The following SLC30A6 variants were observed in gnomAD, a reference collection of about 807,000 sequenced individuals.
SLC30A6 encodes the protein solute carrier family 30 member 6.
SLC30A6 carries 55 observed loss-of-function variants against 63.0 expected under a neutral mutation model. That is an observed-to-expected ratio of 0.87 (90% confidence interval 0.70 to 1.09). The LOEUF (loss-of-function observed/expected upper bound fraction) is 1.09. SLC30A6 is among the 50% of genes least tolerant of loss of function. SLC30A6 has a pLI of 0.00. For missense variants in SLC30A6, 587 were observed against 549.2 expected (o/e 1.07, Z -0.69); for synonymous variants, 224 against 186.1 (o/e 1.20, Z -1.66).
chr2:32,193,451 A>G (rs1374058614), intron 7 of SLC30A6, among the ~76,000 whole-genome samples: 2 of 152,070 alleles, frequency 1.3e-5, no homozygotes, highest in Non-Finnish European at 2.9e-5. Context: ...TATTGCAACT[A>G]TGTGATTTTC....
At chr2:32,205,100 A>G (rs1459933985) in intron 11 of SLC30A6, among the ~76,000 whole-genome samples, 2 of 152,104 alleles carry the variant, frequency 1.3e-5, no homozygotes, top group African/African-American at 4.8e-5. Flanking sequence ...CGCGAGAGCC[A>G]TCGTGCCCAG....
intron 2 of SLC30A6, among the ~76,000 whole-genome samples, chr2:32,171,930 G>T (rs529991716): frequency 2.0e-5 from 3 of 152,270 alleles, no homozygotes; most frequent in Non-Finnish European, 4.4e-5. Flanking sequence ...CCGACCTCAG[G>T]TGATCCGCCC....
chr2:32,205,138 T>C (rs549977017), intron 11 of SLC30A6, among the ~76,000 whole-genome samples: 1 of 152,184 alleles, frequency 6.6e-6, no homozygotes, highest in Non-Finnish European at 1.5e-5. Flanking sequence ...AAAAGTTTTT[T>C]GGCCAGGAGA....
chr2:32,215,930 A>G (rs924779846), intron 13 of SLC30A6, among the ~76,000 whole-genome samples: 3 of 151,940 alleles, frequency 2.0e-5, no homozygotes, highest in Non-Finnish European at 2.9e-5. Context: ...TCCTTAAGCA[A>G]TCCAACCTAG....
At chr2:32,213,488 C>T (rs972625740) in intron 13 of SLC30A6, among the ~76,000 whole-genome samples, 2 of 151,970 alleles carry the variant, frequency 1.3e-5, no homozygotes, top group African/African-American at 2.4e-5. Context: ...TCTTGTTAGC[C>T]GCTTTGGGGT....
intron 12 of SLC30A6, among the ~76,000 whole-genome samples, chr2:32,209,258 A>G (rs1479884825): frequency 6.6e-6 from 1 of 152,206 alleles, no homozygotes. Flanking sequence ...AGCAGTGGGG[A>G]CCTGATTCTA....
rs1413369588 is a variant in SLC30A6 at position 32,222,501 on chromosome 2, G to A, written c.*1788G>A. 1 of 152,078 alleles carries A rather than the reference G, an allele frequency of 6.6e-6. No homozygotes were observed. Among genetic ancestry groups the A allele is most frequent in the Non-Finnish European group, 1.5e-5 (1 of 68,022 alleles). The allele number at this position is 152,078 out of a possible 1,614,324, so 9.4% of individuals were successfully genotyped here. A position where few individuals can be genotyped will look rare whatever the true frequency, so the allele number is the denominator to read the frequency against. On this transcript the variant is annotated 3_prime_UTR_variant, in exon 14 of 14. Coordinates refer to ENST00000282587, the MANE Select transcript of SLC30A6 (RefSeq NM_017964.5). ...ACTGTGGATTAAAAACATCCAAGAAGCCATCTCTGTCAAGCAGAATTGTCA... is the reference window on the plus strand; with the variant it reads ...ACTGTGGATTAAAAACATCCAAGAAACCATCTCTGTCAAGCAGAATTGTCA...
At position 32,220,936 on chromosome 2, in the gene SLC30A6, A is replaced by G. The variant is rs1686107654; in HGVS notation, c.*223A>G. 3 of 480,916 alleles carry G rather than the reference A, an allele frequency of 6.2e-6. No homozygotes were observed. The highest frequency in any genetic ancestry group is 5.7e-5 in the South Asian group (2 of 34,810). The allele number at this position is 480,916 out of a possible 1,614,324, so 29.8% of individuals were successfully genotyped here. A position where few individuals can be genotyped will look rare whatever the true frequency, so the allele number is the denominator to read the frequency against. Reference sequence around the variant, plus strand: ...GCTTTAAATAGGCTTCCTTTAGAAAATGTGTTTCTTTAAATTTGGATTTTG... The same window carrying G: ...GCTTTAAATAGGCTTCCTTTAGAAAGTGTGTTTCTTTAAATTTGGATTTTG... On this transcript the variant is annotated 3_prime_UTR_variant, in exon 14 of 14. Coordinates refer to ENST00000282587, the MANE Select transcript of SLC30A6 (RefSeq NM_017964.5).
intron 5 of SLC30A6, among the ~76,000 whole-genome samples, chr2:32,185,076 A>G (rs1351438064): frequency 6.6e-6 from 1 of 152,192 alleles, no homozygotes; most frequent in Non-Finnish European, 1.5e-5. Context: ...ATTTGTTTCC[A>G]TAATTACTGA....
chr2:32,200,672 C>T (rs1684208014), intron 10 of SLC30A6, among the ~76,000 whole-genome samples: 1 of 151,414 alleles, frequency 6.6e-6, no homozygotes. Context: ...CGTTAAGAGT[C>T]ATCACCACTC....
At position 32,193,897 on chromosome 2, in the gene SLC30A6, T is replaced by G; in HGVS notation, c.410T>G (p.Leu137Ter). The change falls in exon 8 of 14, where the codon TTA (leucine) becomes TGA (stop). Residue 137 changes from leucine (L) to a stop codon, truncating the protein, a stop_gained. Transcript: ENST00000282587. LOFTEE classifies it high-confidence loss of function. Reference protein sequence around the residue: ...LEQPEIHTGRLLVGTFVALCF... With the variant: ...LEQPEIHTGR ...ATCGTTGTTCTTTTTAGGGGAAGATTATTAGTTGGTACTTTTGTGGCTCTT... is the reference window on the plus strand; with the variant it reads ...ATCGTTGTTCTTTTTAGGGGAAGATGATTAGTTGGTACTTTTGTGGCTCTT... 6.2e-7 allele frequency: 1 copy of G among 1,612,702 alleles called. No individual in the cohort carries two copies. Among genetic ancestry groups the G allele is most frequent in the Non-Finnish European group, 8.5e-7 (1 of 1,179,052 alleles).
At position 32,197,428 on chromosome 2, in the gene SLC30A6, T is replaced by C; in HGVS notation, c.545+36T>C. The C allele has an allele frequency of 1.9e-6, 3 of 1,571,626 alleles. No homozygotes were observed. In the South Asian group the frequency reaches 3.4e-5, roughly 18 times the overall value. On this transcript the variant is annotated intron_variant, in intron 9 of 13. Coordinates refer to ENST00000282587, the MANE Select transcript of SLC30A6 (RefSeq NM_017964.5). ...ATGGAGTTTCATGATATGCATAATT[T>C]AAAGGAATACACAAGAAATGCATCT...
chr2:32,195,873 G>T lies in SLC30A6; in HGVS notation c.497-1471G>T, dbSNP rs187965165. On this transcript the variant is annotated intron_variant, in intron 8 of 13. Transcript: ENST00000282587. ...ATATTTTCATTAGCTGGAAATGGAG[G>T]TTCCCAGAAACATCAAGATTTGTGA... Among the ~76,000 whole-genome samples the T allele has an allele frequency of 3.6e-4, 55 of 152,178 alleles. No individual in the cohort carries two copies. In the East Asian group the frequency reaches 8.5e-3, roughly 23 times the overall value.
chr2:32,203,902 A>G, intron 10 of SLC30A6: 2 of 899,008 alleles, frequency 2.2e-6, no homozygotes, highest in Admixed American at 1.7e-5. Flanking sequence ...AGTTAGACAG[A>G]GTCCACAAGG....
intron 3 of SLC30A6, 40 bp from the exon 4 acceptor site, chr2:32,175,279 G>C (rs1360739110): frequency 1.3e-6 from 2 of 1,581,398 alleles, no homozygotes; most frequent in African/African-American, 2.7e-5. Flanking sequence ...TTTTTAGAGG[G>C]GTCAGTAATA....
intron 2 of SLC30A6, 31 bp from the exon 3 acceptor site, chr2:32,174,032 G>A (rs199833178): frequency 5.9e-5 from 91 of 1,552,796 alleles, no homozygotes; most frequent in Non-Finnish European, 7.9e-5. Context: ...TATCACTTCT[G>A]TACACATAAG....
intron 10 of SLC30A6, chr2:32,202,441 T>C (rs1684379201): frequency 1.1e-5 from 3 of 262,102 alleles, no homozygotes; most frequent in Non-Finnish European, 2.2e-5. Flanking sequence ...ACCATTTTCC[T>C]GCCTCAGCCT....
At chr2:32,202,087 G>C in intron 10 of SLC30A6, 1 of 786,856 alleles carries the variant, frequency 1.3e-6, no homozygotes, top group Non-Finnish European at 2.0e-6. Context: ...TAAGAAGCTA[G>C]AGGAGACCTT....
intron 2 of SLC30A6, among the ~76,000 whole-genome samples, chr2:32,173,563 G>A (rs752315113): frequency 2.0e-5 from 3 of 151,892 alleles, no homozygotes; most frequent in Admixed American, 6.6e-5. Flanking sequence ...GTAGAGACGG[G>A]GTTTCACCAT....
Sources: allele counts gnomAD v4.1 joint callset (sites outside exome capture counted in the v4.1 genomes callset), GRCh38; gene constraint gnomAD v4.1.1; transcripts MANE v1.5; gene names NCBI Gene and HGNC (gene_info 2026-07-23, HGNC 2026-07-21).